The following TMEM71 variants were observed in gnomAD, a reference collection of about 807,000 sequenced individuals.
The protein encoded by TMEM71 is transmembrane protein 71.
In TMEM71, 44 loss-of-function variants were observed where a neutral mutation model predicts 38.0. The observed-to-expected ratio is 1.16, with a 90% CI of 0.91 to 1.49. The LOEUF (loss-of-function observed/expected upper bound fraction) is 1.49, where lower values mean the gene tolerates loss of function less well. Among genes scored for constraint, TMEM71 ranks in the 40% most tolerant of loss-of-function variants. The pLI, the probability that TMEM71 is intolerant of heterozygous loss-of-function variation, is 0.00. For synonymous variants in TMEM71, 133 were observed against 122.5 expected (o/e 1.09, Z -0.56); for missense variants, 367 against 348.6 (o/e 1.05, Z -0.42).
At chr8:132,728,055 GAC>G in intron 5 of TMEM71, 69 bp from the exon 6 acceptor site, 1 of 1,176,584 alleles carries the variant, frequency 8.5e-7, no homozygotes, top group Non-Finnish European at 1.2e-6. Flanking sequence ...TGTGTTCAGT[GAC>G]TGCTCAATGC....
intron 1 of TMEM71, chr8:132,759,434 C>G (rs1829209975): frequency 6.6e-6 from 1 of 151,748 alleles, no homozygotes; most frequent in Non-Finnish European, 1.5e-5. Flanking sequence ...TAGTTTTTAT[C>G]AGCCTGGACA....
rs764696283 is a variant in TMEM71, at chr8:132,713,998, G to A, written c.869C>T (p.Ala290Val). ...TGATGACACAGGCAACACTTACCGA[G>A]CACAGGCAGTGGTTTTGAAATAGCT... ...LASYFKTTACARFVKI is the reference protein window; with the variant it reads ...LASYFKTTACVRFVKI The change falls in exon 9 of 10, where the codon GCT (alanine) becomes GTT (valine). Residue 290 changes from alanine (A) to valine (V), a missense_variant. Ala to Val is a moderately conservative substitution (Grantham distance 64). Coordinates refer to ENST00000677595, the MANE Select transcript of TMEM71 (RefSeq NM_001382403.1). 1 of 1,613,650 alleles carries A rather than the reference G, an allele frequency of 6.2e-7. No homozygotes were observed. The highest frequency in any genetic ancestry group is 1.1e-5 in the South Asian group (1 of 91,062).
chr8:132,726,265 A>G (rs138961098), intron 6 of TMEM71, among the ~76,000 whole-genome samples: 1 of 152,044 alleles, frequency 6.6e-6, no homozygotes, highest in East Asian at 1.9e-4. Context: ...AAACCAAACC[A>G]AAACAAAAAA....
chr8:132,706,802 C>T (rs938579725), downstream of TMEM71, among the ~76,000 whole-genome samples: 1 of 152,118 alleles, frequency 6.6e-6, no homozygotes, highest in African/African-American at 2.4e-5. Flanking sequence ...AAGATGTGAT[C>T]AAACTGGAAT....
chr8:132,710,831 C>T lies in TMEM71; in HGVS notation c.*136G>A. On this transcript the variant is annotated 3_prime_UTR_variant, in exon 10 of 10. Coordinates refer to ENST00000677595, the MANE Select transcript of TMEM71 (RefSeq NM_001382403.1). ...TGAGATCATTTTAAAATCACATAGT[C>T]AAACTAAAATGGCTTTTTCTCCATT... 2.6e-6 allele frequency: 2 copies of T among 772,164 alleles called. No homozygotes were observed. Among genetic ancestry groups the T allele is most frequent in the Non-Finnish European group, 4.5e-6 (2 of 443,772 alleles). The allele number at this position is 772,164 out of a possible 1,614,324, so 47.8% of individuals were successfully genotyped here.
intron 7 of TMEM71, among the ~76,000 whole-genome samples, chr8:132,720,378 C>T (rs1417639744): frequency 6.6e-6 from 1 of 152,116 alleles, no homozygotes; most frequent in African/African-American, 2.4e-5. Flanking sequence ...AAGGGCTCTG[C>T]GATCAACTTG....
In TMEM71 at chr8:132,714,040, A is replaced by T. The variant is rs1275574616; in HGVS notation, c.827T>A (p.Leu276Ter). 1.9e-6 allele frequency: 3 copies of T among 1,614,020 alleles called. No individual in the cohort carries two copies. Among genetic ancestry groups the T allele is most frequent in the Non-Finnish European group, 2.5e-6 (3 of 1,179,992 alleles). The change falls in exon 9 of 10, where the codon TTG (leucine) becomes TAG (stop). Residue 276 changes from leucine (L) to a stop codon, truncating the protein, a stop_gained. Transcript: ENST00000677595. LOFTEE classifies it high-confidence loss of function. ...LMITVAYVKS[L>*]FLSLASYFKT... is the part of the protein sequence containing the mutation. ...GAAATAGCTGGCAAGGCTGAGAAAC[A>T]ATGATTTCACATCTTGAGTGAAACA...
chr8:132,769,534 G>A, the TMEM71 span, among the ~76,000 whole-genome samples: 3 of 152,144 alleles, frequency 2.0e-5, no homozygotes, highest in Admixed American at 6.5e-5. Context: ...ATATACTGAA[G>A]CCCTAATCCC....
intron 3 of TMEM71, among the ~76,000 whole-genome samples, chr8:132,755,030 T>A (rs942017049): frequency 6.6e-6 from 1 of 152,190 alleles, no homozygotes; most frequent in African/African-American, 2.4e-5. Context: ...TCTTTTTTTC[T>A]CCTACTCTAG....
At chr8:132,730,061 C>T (rs767528387) in intron 5 of TMEM71, among the ~76,000 whole-genome samples, 8 of 151,996 alleles carry the variant, frequency 5.3e-5, no homozygotes, top group African/African-American at 1.2e-4. Flanking sequence ...TGGGTTCAGG[C>T]GATTCTCCTG....
At chr8:132,768,029 G>T in the TMEM71 span, among the ~76,000 whole-genome samples, 1 of 152,142 alleles carries the variant, frequency 6.6e-6, no homozygotes, top group Non-Finnish European at 1.5e-5. Context: ...AGTATTTAGA[G>T]AATATGACAA....
At chr8:132,753,199 C>T (rs1158470035) in intron 3 of TMEM71, among the ~76,000 whole-genome samples, 1 of 151,876 alleles carries the variant, frequency 6.6e-6, no homozygotes, top group Admixed American at 6.6e-5. Flanking sequence ...AAAAAATGTT[C>T]AGTATGTAAA....
chr8:132,726,285 A>G (rs1263670292), intron 6 of TMEM71, among the ~76,000 whole-genome samples: 2 of 151,956 alleles, frequency 1.3e-5, no homozygotes, highest in Non-Finnish European at 2.9e-5. Flanking sequence ...AAACCCTTGA[A>G]CACTTATCTA....
At chr8:132,737,363 A>G (rs1468083432) in intron 5 of TMEM71, among the ~76,000 whole-genome samples, 1 of 152,236 alleles carries the variant, frequency 6.6e-6, no homozygotes, top group Non-Finnish European at 1.5e-5. Context: ...TGGAGGGAAG[A>G]TTCCACACAT....
chr8:132,771,471 C>G, the TMEM71 span, among the ~76,000 whole-genome samples: 4 of 151,938 alleles, frequency 2.6e-5, no homozygotes, highest in Admixed American at 1.3e-4. Flanking sequence ...TATTGCCAAG[C>G]CTAAAAGTTT....
At chr8:132,723,200 A>G (rs1029024177) in intron 6 of TMEM71, among the ~76,000 whole-genome samples, 3 of 152,234 alleles carry the variant, frequency 2.0e-5, no homozygotes, top group African/African-American at 7.2e-5. Flanking sequence ...TTGTTCATGT[A>G]CATTGTGAAT....
intron 7 of TMEM71, among the ~76,000 whole-genome samples, 172 bp from the exon 8 acceptor site, chr8:132,714,387 A>G (rs1826391925): frequency 1.3e-5 from 2 of 152,220 alleles, no homozygotes. Flanking sequence ...AAGAGAGTAG[A>G]CAGCCCAGAA....
chr8:132,726,546 T>C (rs1240080399), intron 6 of TMEM71, among the ~76,000 whole-genome samples: 3 of 152,220 alleles, frequency 2.0e-5, no homozygotes, highest in Admixed American at 6.5e-5. Flanking sequence ...CCTCTCCATG[T>C]AGAGATAAAA....
chr8:132,753,776 C>G (rs1196421186), intron 3 of TMEM71, among the ~76,000 whole-genome samples: 2 of 152,178 alleles, frequency 1.3e-5, no homozygotes, highest in Non-Finnish European at 2.9e-5. Context: ...AAAAAAATCT[C>G]CATTATCGGG....
Sources: gnomAD v4.1 joint callset for allele counts (sites outside exome capture counted in the v4.1 genomes callset) on GRCh38, gnomAD v4.1.1 for gene constraint, MANE v1.5 for transcripts, NCBI Gene and HGNC (gene_info 2026-07-23, HGNC 2026-07-21) for gene names.